The following TRPV3 variants were observed in gnomAD, a reference collection of about 807,000 sequenced individuals.
TRPV3 encodes the protein transient receptor potential cation channel subfamily V member 3.
TRPV3 carries 88 observed loss-of-function variants against 87.1 expected under a neutral mutation model. The ratio of observed to expected loss-of-function variants is 1.01; its 90% CI spans 0.85 to 1.21. TRPV3 has a LOEUF of 1.21. Ranked by LOEUF, TRPV3 falls within the 50% of genes most tolerant of loss-of-function variation. The pLI, the probability that TRPV3 is intolerant of heterozygous loss-of-function variation, is 0.00. For missense variants in TRPV3, 1,054 were observed against 1,030.1 expected (o/e 1.02, Z -0.32); for synonymous variants, 438 against 423.3 (o/e 1.03, Z -0.43).
intron 7 of TRPV3, 94 bp from the exon 8 acceptor site, chr17:3,533,031 G>A: frequency 6.9e-7 from 1 of 1,443,096 alleles, no homozygotes; most frequent in Non-Finnish European, 9.4e-7. Flanking sequence ...TATCTCAGCA[G>A]GATGGGCACC....
At chr17:3,522,862 T>C (rs1013664522) in intron 13 of TRPV3, among the ~76,000 whole-genome samples, 3 of 151,308 alleles carry the variant, frequency 2.0e-5, no homozygotes, top group Non-Finnish European at 2.9e-5. Context: ...AAGACTCAAC[T>C]GGCTAAGTGG....
In TRPV3 at chr17:3,533,108, T is replaced by C. The variant is rs111404544; in HGVS notation, c.785-171A>G. Among the ~76,000 whole-genome samples the C allele has an allele frequency of 2.3e-3, 355 of 152,264 alleles. 1 individual carries two copies. Among genetic ancestry groups the C allele is most frequent in the Admixed American group, 3.7e-3 (56 of 15,294 alleles). On this transcript the variant is annotated intron_variant, in intron 7 of 17. Transcript: ENST00000576742. ...GAAGAGTGAAGCTAGATCACTGCGGTAGCCTCCTAACTGGCCTCCCTGCCT... is the reference window on the plus strand; with the variant it reads ...GAAGAGTGAAGCTAGATCACTGCGGCAGCCTCCTAACTGGCCTCCCTGCCT...
intron 6 of TRPV3, among the ~76,000 whole-genome samples, chr17:3,537,144 G>C (rs1481353364): frequency 6.6e-6 from 1 of 152,102 alleles, no homozygotes; most frequent in Non-Finnish European, 1.5e-5. Context: ...TTGTATGTTT[G>C]ACATAGGATC....
Position 3,522,439 on chromosome 17 carries a change from T to C in TRPV3, c.1744-1400A>G, listed in dbSNP as rs867645155. On this transcript the variant is annotated intron_variant, in intron 13 of 17. Coordinates refer to ENST00000576742, the MANE Select transcript of TRPV3 (RefSeq NM_145068.4). ...CAACATTCACATACTTTTATTACAGTATATTGTTATCATTGTTCTGTTAGT... is the reference window on the plus strand; with the variant it reads ...CAACATTCACATACTTTTATTACAGCATATTGTTATCATTGTTCTGTTAGT... Among the ~76,000 whole-genome samples, 4 of 152,308 alleles carry C rather than the reference T, an allele frequency of 2.6e-5. No individual in the cohort carries two copies. In the South Asian group the frequency reaches 8.3e-4, roughly 32 times the overall value.
At position 3,518,871 on chromosome 17, in the gene TRPV3, G is replaced by A. The variant is rs778663474; in HGVS notation, c.1811-21C>T. On this transcript the variant is annotated intron_variant, in intron 14 of 17. Coordinates refer to ENST00000576742, the MANE Select transcript of TRPV3 (RefSeq NM_145068.4). This position sits in a 1 kb window ranked among gnomAD's most constrained non-coding sequence, Gnocchi z 4.3. ...CAAGGCTAAGGGAACATAACAGGGT[G>A]CTCTCCTCAGCTCTCTGCCTGGTAA... The A allele has an allele frequency of 7.5e-6, 12 of 1,598,966 alleles. No individual in the cohort carries two copies. Among genetic ancestry groups the A allele is most frequent in the Non-Finnish European group, 1.0e-5 (12 of 1,171,426 alleles).
In TRPV3 at chr17:3,526,994, G is replaced by A. The variant is rs2074306087; in HGVS notation, c.1504-67C>T. 3 of 1,323,592 alleles carry A rather than the reference G, an allele frequency of 2.3e-6. No individual in the cohort carries two copies. In the South Asian group the frequency reaches 3.8e-5, roughly 17 times the overall value. 82.0% of individuals were successfully genotyped at this position (1,323,592 alleles called of 1,614,324 possible). A position where few individuals can be genotyped will look rare whatever the true frequency, so the allele number is the denominator to read the frequency against. On this transcript the variant is annotated intron_variant, in intron 11 of 17. Coordinates refer to ENST00000576742, the MANE Select transcript of TRPV3 (RefSeq NM_145068.4). The stretch of plus-strand genomic sequence containing the variant: ...CCCTCAGCAGGGGAGCTGAGCAGAG[G>A]GTGCTTCCCCAGGACCAAGACTCAG...
intron 1 of TRPV3, among the ~76,000 whole-genome samples, chr17:3,555,853 G>A (rs1276240550): frequency 1.3e-5 from 2 of 152,038 alleles, no homozygotes; most frequent in African/African-American, 4.8e-5. Flanking sequence ...GGCAGGCTGG[G>A]CCCTGTATAG....
At chr17:3,516,319 A>G in intron 16 of TRPV3, 138 bp downstream of exon 16, 1 of 677,268 alleles carries the variant, frequency 1.5e-6, no homozygotes, top group Non-Finnish European at 2.6e-6. Flanking sequence ...CCTTCTTCCA[A>G]GGAGGCCACT....
rs1507615 is a variant in TRPV3, at chr17:3,512,688, C to G, written c.*1229G>C. The G allele has an allele frequency of 0.91, 139,004 of 152,052 alleles. 64,816 individuals are homozygous for G. The highest frequency in any genetic ancestry group is 1 in the East Asian group (5,170 of 5,170). 9.4% of individuals were successfully genotyped at this position (152,052 alleles called of 1,614,324 possible). ...CCGTCTCCACTTCACCTCTGCCCCCCAGACTGACTCCGTGTCATTTCAGAA... is the reference window on the plus strand; with the variant it reads ...CCGTCTCCACTTCACCTCTGCCCCCGAGACTGACTCCGTGTCATTTCAGAA... On this transcript the variant is annotated 3_prime_UTR_variant, in exon 18 of 18. Transcript: ENST00000576742.
chr17:3,554,662 G>GT, intron 2 of TRPV3, 70 bp downstream of exon 2: 1 of 1,150,042 alleles, frequency 8.7e-7, no homozygotes, highest in Non-Finnish European at 1.3e-6. Flanking sequence ...GGGCTCCCTG[G>GT]GGGGGTGCCA....
chr17:3,543,759 C>T, intron 4 of TRPV3, 131 bp from the exon 5 acceptor site: 1 of 1,240,946 alleles, frequency 8.1e-7, no homozygotes, highest in Admixed American at 2.0e-5. Flanking sequence ...ACAATGCCTG[C>T]AAACTCCTGG....
intron 7 of TRPV3, among the ~76,000 whole-genome samples, chr17:3,533,453 C>A (rs910663034): frequency 1.3e-5 from 2 of 152,086 alleles, no homozygotes; most frequent in African/African-American, 4.8e-5. Flanking sequence ...TAAAATCCAC[C>A]CTCCTCTTGT....
intron 5 of TRPV3, among the ~76,000 whole-genome samples, chr17:3,543,061 C>T (rs933970478): frequency 6.6e-6 from 1 of 151,986 alleles, no homozygotes; most frequent in Non-Finnish European, 1.5e-5. Flanking sequence ...CTGCACTGGT[C>T]CCCGAGACAC....
In TRPV3 at chr17:3,544,657, C is replaced by T. The variant is rs2074505648; in HGVS notation, c.233G>A (p.Gly78Asp). ...GGGGGAGTCCATGTCATCACAGTTA[C>T]CAGAGATGCTGGAGGTGTTGGCAGG... ...MDSNIRQCISGNCDDMDSPQS... is the reference protein window; with the variant it reads ...MDSNIRQCISDNCDDMDSPQS... Residue 78 changes from glycine to aspartate, a missense_variant, in exon 4 of 18, where the codon GGT becomes GAT. Transcript: ENST00000576742. The T allele has an allele frequency of 6.2e-7, 1 of 1,609,012 alleles. No individual in the cohort carries two copies. Among genetic ancestry groups the T allele is most frequent in the Non-Finnish European group, 8.5e-7 (1 of 1,178,774 alleles).
chr17:3,531,181 A>G (rs1414187830), intron 8 of TRPV3, among the ~76,000 whole-genome samples: 3 of 152,216 alleles, frequency 2.0e-5, no homozygotes, highest in Non-Finnish European at 4.4e-5. Context: ...GGTTGGCTCC[A>G]AAGTGCAGGC....
intron 2 of TRPV3, chr17:3,554,311 C>T (rs2074606243): frequency 6.1e-6 from 1 of 163,694 alleles, no homozygotes; most frequent in African/African-American, 2.4e-5. Context: ...CTTGAATAAC[C>T]CGGCTGGGTG....
At chr17:3,548,491 G>T (rs2074545065) in intron 2 of TRPV3, among the ~76,000 whole-genome samples, 1 of 152,240 alleles carries the variant, frequency 6.6e-6, no homozygotes, top group African/African-American at 2.4e-5. Flanking sequence ...ACAAAGGGAG[G>T]TTGCTTGGCA....
intron 11 of TRPV3, among the ~76,000 whole-genome samples, chr17:3,527,383 C>G (rs1412770527): frequency 6.6e-6 from 1 of 152,214 alleles, no homozygotes; most frequent in African/African-American, 2.4e-5. Flanking sequence ...AGATAAAAGT[C>G]ACCTCCCTTC....
chr17:3,541,318 A>G (rs1484724997), intron 6 of TRPV3, among the ~76,000 whole-genome samples: 2 of 152,222 alleles, frequency 1.3e-5, no homozygotes, highest in African/African-American at 2.4e-5. Context: ...CAGTGAGCCA[A>G]GATCGCGCCA....
Sources: gnomAD v4.1 joint callset for allele counts (sites outside exome capture counted in the v4.1 genomes callset) on GRCh38, gnomAD v4.1.1 for gene constraint, Gnocchi (gnomAD v3.1) non-coding constraint, MANE v1.5 for transcripts, NCBI Gene and HGNC (gene_info 2026-07-23, HGNC 2026-07-21) for gene names.